The following USP40 variants were observed in gnomAD, a reference collection of about 807,000 sequenced individuals.
USP40 encodes ubiquitin carboxyl-terminal hydrolase 40.
Under a neutral mutation model 166.2 loss-of-function variants are expected in USP40, and 143 were observed. That is an observed-to-expected ratio of 0.86 (90% confidence interval 0.75 to 0.99). USP40 has a LOEUF of 0.99. Among genes scored for constraint, USP40 ranks in the 50% least tolerant of loss-of-function variants. The pLI is 0.00. For synonymous variants in USP40, 498 were observed against 524.0 expected, an observed-to-expected ratio of 0.95 and a Z score of 0.68; for missense variants, 1,444 against 1,479.7, an observed-to-expected ratio of 0.98 and a Z score of 0.40.
chr2:233,563,378 GA>G (rs1479885574), intron 2 of USP40, among the ~76,000 whole-genome samples: 1 of 152,132 alleles, frequency 6.6e-6, no homozygotes, highest in African/African-American at 2.4e-5. Context: ...GGGCATACCT[GA>G]ATCTTTTGAG....
intron 30 of USP40, chr2:233,481,613 A>C: frequency 5.5e-6 from 2 of 365,232 alleles, no homozygotes; most frequent in Non-Finnish European, 1.0e-5. Context: ...GATCATCCAC[A>C]TCAGCACACG....
chr2:233,481,377 T>C (rs889061283), intron 30 of USP40, 80 bp from the exon 31 acceptor site: 3 of 1,206,054 alleles, frequency 2.5e-6, no homozygotes, highest in Non-Finnish European at 3.5e-6. Flanking sequence ...TCTAAAAAAC[T>C]ACCTATATTG....
At chr2:233,562,376 T>C (rs1297294542) in intron 3 of USP40, among the ~76,000 whole-genome samples, 2 of 150,714 alleles carry the variant, frequency 1.3e-5, no homozygotes, top group Non-Finnish European at 2.9e-5. Context: ...CATGGAATAC[T>C]ATGCAGCCAT....
At chr2:233,521,303 A>C (rs2067635953) in intron 16 of USP40, among the ~76,000 whole-genome samples, 189 bp from the exon 17 acceptor site, 1 of 152,220 alleles carries the variant, frequency 6.6e-6, no homozygotes, top group Non-Finnish European at 1.5e-5. Flanking sequence ...TCATGACTCC[A>C]AATATTCTTT....
At chr2:233,522,058 G>A (rs1436919445) in intron 16 of USP40, among the ~76,000 whole-genome samples, 1 of 152,132 alleles carries the variant, frequency 6.6e-6, no homozygotes, top group East Asian at 1.9e-4. Flanking sequence ...ACAGCCTACT[G>A]ACTTGCCTAG....
intron 11 of USP40, among the ~76,000 whole-genome samples, chr2:233,533,010 A>G (rs2068662665): frequency 6.6e-6 from 1 of 152,002 alleles, no homozygotes; most frequent in Non-Finnish European, 1.5e-5. Flanking sequence ...AAAGATATAA[A>G]TAAAGGATAA....
rs113905799 is a variant in USP40 at position 233,477,337 on chromosome 2, C to T, written c.*55G>A. Reference sequence around the variant, plus strand: ...CCAGTCCCCATGCCCAGGAAACCCACGTTTGTGGCATCAGCCGGAGAGTTC... The same window carrying T: ...CCAGTCCCCATGCCCAGGAAACCCATGTTTGTGGCATCAGCCGGAGAGTTC... On this transcript the variant is annotated 3_prime_UTR_variant, in exon 32 of 32. Coordinates refer to ENST00000678225, the MANE Select transcript of USP40 (RefSeq NM_001365479.2). 488 of 1,556,174 alleles carry T rather than the reference C, an allele frequency of 3.1e-4. 5 individuals are homozygous for T. In the African/African-American group the frequency reaches 4.6e-3, roughly 15 times the overall value.
chr2:233,496,822 A>G lies in USP40; in HGVS notation c.2726T>C (p.Leu909Pro). The stretch of plus-strand genomic sequence containing the variant: ...TCCAGAACATATCAGAAGTTCTTTC[A>G]GTGTTGCATCCTGGGAAGACAAAAA... ...GEPLCEEDAT[L>P]KELLICSGDT... The change falls in exon 24 of 32, where the codon CTG (leucine) becomes CCG (proline). Residue 909 changes from leucine (L) to proline (P), a missense_variant. By Grantham distance (98) the Leu-to-Pro change is moderately conservative. Transcript: ENST00000678225. The G allele has an allele frequency of 6.2e-7, 1 of 1,612,384 alleles. No individual in the cohort carries two copies. The highest frequency in any genetic ancestry group is 1.1e-5 in the South Asian group (1 of 90,888).
At chr2:233,499,973 A>T in intron 21 of USP40, 58 bp from the exon 22 acceptor site, 1 of 1,513,060 alleles carries the variant, frequency 6.6e-7, no homozygotes, top group Non-Finnish European at 9.1e-7. Context: ...CAGTTCTAGG[A>T]CAAACACCCT....
At chr2:233,481,593 T>C in intron 30 of USP40, 2 of 420,012 alleles carry the variant, frequency 4.8e-6, no homozygotes, top group South Asian at 5.3e-5. Context: ...CCAGGCAACA[T>C]GAAGACAGAG....
Position 233,562,810 on chromosome 2 carries a change from A to G in USP40, c.200-7T>C, listed in dbSNP as rs1415791469. On this transcript the variant is annotated splice_region_variant and splice_polypyrimidine_tract_variant and intron_variant, in intron 2 of 31. Transcript: ENST00000678225. Reference sequence around the variant, plus strand: ...CCAAGAGAAAATAGAGCTTCTAAAGAAAAAGGTAGAATCAGAGATGCAAAT... The same window carrying G: ...CCAAGAGAAAATAGAGCTTCTAAAGGAAAAGGTAGAATCAGAGATGCAAAT... 1.6e-5 allele frequency: 25 copies of G among 1,517,280 alleles called. No individual in the cohort carries two copies. Among genetic ancestry groups the G allele is most frequent in the Non-Finnish European group, 2.2e-5 (25 of 1,132,380 alleles). The allele number at this position is 1,517,280 out of a possible 1,614,324, so 94.0% of individuals were successfully genotyped here.
chr2:233,538,430 C>A lies in USP40; in HGVS notation c.1170+2232G>T, dbSNP rs535574123. 2.0e-5 allele frequency among the ~76,000 whole-genome samples: 3 copies of A among 151,988 alleles called. No individual in the cohort carries two copies. The East Asian group carries it at 5.8e-4, about 29-fold the overall frequency. Reference sequence around the variant, plus strand: ...TGAAAAGTTTAATAAACTTGATAAACCCCAGCAATGAAAAAGAAAGCTAAA... The same window carrying A: ...TGAAAAGTTTAATAAACTTGATAAAACCCAGCAATGAAAAAGAAAGCTAAA... On this transcript the variant is annotated intron_variant, in intron 10 of 31. Transcript: ENST00000678225.
Position 233,486,261 on chromosome 2 carries a change from C to T in USP40, c.3198-284G>A, listed in dbSNP as rs1490887200. 6.6e-6 allele frequency among the ~76,000 whole-genome samples: 1 copy of T among 152,108 alleles called. No homozygotes were observed. Among genetic ancestry groups the T allele is most frequent in the Non-Finnish European group, 1.5e-5 (1 of 68,022 alleles). ...GTGCGGGAGAAAAGGAAAGAGGTGG[C>T]GGCCTGAGCAGGTACGATGTGGCAG... On this transcript the variant is annotated intron_variant, in intron 28 of 31. Coordinates refer to ENST00000678225, the MANE Select transcript of USP40 (RefSeq NM_001365479.2). The surrounding 1 kb of genome is among the most constrained non-coding windows in gnomAD (Gnocchi z 4.0).
At chr2:233,500,557 AG>A (rs1202440977) in intron 21 of USP40, among the ~76,000 whole-genome samples, 1 of 152,220 alleles carries the variant, frequency 6.6e-6, no homozygotes, top group Non-Finnish European at 1.5e-5. Flanking sequence ...AGCAAAAGAG[AG>A]CAAAAATAAG....
At chr2:233,495,320 T>G (rs2125089808) in intron 24 of USP40, among the ~76,000 whole-genome samples, 1 of 152,116 alleles carries the variant, frequency 6.6e-6, no homozygotes, top group Admixed American at 6.5e-5. Flanking sequence ...GTATTTAAAA[T>G]ATTTTACATG....
At chr2:233,496,730 A>C (rs761021322) in intron 24 of USP40, 28 bp downstream of exon 24, 12 of 1,569,308 alleles carry the variant, frequency 7.6e-6, no homozygotes, top group Non-Finnish European at 1.1e-5. Context: ...ATTACTTAAG[A>C]GTTGTCTATT....
chr2:233,499,136 G>C (rs1158042212), intron 22 of USP40, among the ~76,000 whole-genome samples: 3 of 151,906 alleles, frequency 2.0e-5, no homozygotes, highest in Non-Finnish European at 4.4e-5. Context: ...AATTTTTCCT[G>C]ATGCTCTCCC....
intron 10 of USP40, among the ~76,000 whole-genome samples, chr2:233,534,298 G>C (rs1442103255): frequency 2.6e-5 from 4 of 152,146 alleles, no homozygotes; most frequent in Admixed American, 2.0e-4. Flanking sequence ...TCAAAGCATA[G>C]TAAGGGTTAA....
Position 233,529,492 on chromosome 2 carries a change from CAT to C in USP40, c.1490_1491del (p.Tyr497TrpfsTer9). 1 of 1,585,062 alleles carries C rather than the reference CAT, an allele frequency of 6.3e-7. No homozygotes were observed. The highest frequency in any genetic ancestry group is 8.6e-7 in the Non-Finnish European group (1 of 1,163,988). ...RPPEARANPR[Y>X]GVPCHLLNEM... ...TCATTCAGTAAATGACATGGAACCC[CAT>C]ATCTTGGATTAGCTCGAGCTGTGAA... On this transcript the variant is annotated frameshift_variant, in exon 12 of 32. Coordinates refer to ENST00000678225, the MANE Select transcript of USP40 (RefSeq NM_001365479.2). LOFTEE classifies it high-confidence loss of function.
Sources: gnomAD v4.1 joint callset for allele counts (sites outside exome capture counted in the v4.1 genomes callset) on GRCh38, gnomAD v4.1.1 for gene constraint, Gnocchi (gnomAD v3.1) non-coding constraint, MANE v1.5 for transcripts, NCBI Gene and HGNC (gene_info 2026-07-23, HGNC 2026-07-21) for gene names.